Variants in TTC29 observed in about 807,000 individuals in gnomAD.
The protein encoded by TTC29 is tetratricopeptide repeat protein 29.
Under a neutral mutation model 58.1 loss-of-function variants are expected in TTC29, and 49 were observed. The ratio of observed to expected loss-of-function variants is 0.84; its 90% confidence interval spans 0.67 to 1.07. The LOEUF (loss-of-function observed/expected upper bound fraction) is 1.07, where lower values mean the gene tolerates loss of function less well. TTC29 is among the 50% of genes least tolerant of loss of function. The probability of loss-of-function intolerance (pLI) is 0.00; values close to 1 mark genes in which losing one functional copy is unlikely to be tolerated. For missense variants in TTC29, 582 were observed against 555.6 expected, an observed-to-expected ratio of 1.05 and a Z score of -0.48; for synonymous variants, 209 against 196.8, an observed-to-expected ratio of 1.06 and a Z score of -0.52.
chr4:146,828,811 T>C (rs568954104), intron 9 of TTC29, among the ~76,000 whole-genome samples: 2 of 152,318 alleles, frequency 1.3e-5, no homozygotes, highest in East Asian at 1.9e-4. Context: ...TTATTGTAAG[T>C]CATTTGCTTT....
intron 10 of TTC29, among the ~76,000 whole-genome samples, chr4:146,808,328 A>G (rs1289773592): frequency 1.3e-5 from 2 of 152,210 alleles, no homozygotes; most frequent in Admixed American, 1.3e-4. Context: ...GAAAACCGGC[A>G]CAAGAGAAGG....
chr4:146,849,227 T>G (rs1033071407), intron 8 of TTC29, among the ~76,000 whole-genome samples: 1 of 152,160 alleles, frequency 6.6e-6, no homozygotes, highest in Non-Finnish European at 1.5e-5. Context: ...CCTCGAAATA[T>G]ATATTAATAT....
At chr4:146,778,380 ATTTAC>A (rs1748275053) in intron 11 of TTC29, among the ~76,000 whole-genome samples, 1 of 151,954 alleles carries the variant, frequency 6.6e-6, no homozygotes, top group African/African-American at 2.4e-5. Context: ...TGAAGAGCCT[ATTTAC>A]TTGCTTTTTT....
intron 4 of TTC29, among the ~76,000 whole-genome samples, chr4:146,935,799 T>G (rs1423320962): frequency 1.3e-5 from 2 of 152,226 alleles, no homozygotes; most frequent in Admixed American, 6.5e-5. Context: ...AAATGTTTGT[T>G]GATCAATTTA....
chr4:146,894,106 G>A (rs1299976102), intron 6 of TTC29, among the ~76,000 whole-genome samples: 1 of 152,186 alleles, frequency 6.6e-6, no homozygotes, highest in Admixed American at 6.5e-5. Context: ...TTCAACCATT[G>A]TGGAAGTCAA....
chr4:146,901,365 T>C (rs1733137700), intron 6 of TTC29, among the ~76,000 whole-genome samples: 2 of 152,202 alleles, frequency 1.3e-5, no homozygotes, highest in Admixed American at 6.5e-5. Flanking sequence ...ATATGCACCA[T>C]ATAAATATAT....
intron 11 of TTC29, among the ~76,000 whole-genome samples, chr4:146,714,766 G>T (rs1006915262): frequency 2.0e-5 from 3 of 152,128 alleles, no homozygotes; most frequent in Non-Finnish European, 1.5e-5. Flanking sequence ...ATACCACATG[G>T]CAATCTGGAT....
intron 8 of TTC29, among the ~76,000 whole-genome samples, chr4:146,850,106 AG>A (rs1729425141): frequency 6.6e-6 from 1 of 152,240 alleles, no homozygotes; most frequent in East Asian, 1.9e-4. Context: ...ACAAGGACAA[AG>A]ATGTCTGTCT....
At chr4:146,875,112 G>A (rs373924089) in intron 6 of TTC29, among the ~76,000 whole-genome samples, 184 bp from the exon 7 acceptor site, 22 of 152,270 alleles carry the variant, frequency 1.4e-4, no homozygotes, top group South Asian at 8.3e-4. Flanking sequence ...CAGTTTCAGC[G>A]TGAATTTTAG....
chr4:146,833,881 CAGTA>C lies in TTC29; in HGVS notation c.898_901del (p.Tyr300ValfsTer20). 1.2e-6 allele frequency: 2 copies of C among 1,612,722 alleles called. No homozygotes were observed. Among genetic ancestry groups the C allele is most frequent in the Non-Finnish European group, 1.7e-6 (2 of 1,179,160 alleles). ...ATCATCCAGGTCTGTGGAGATTTTA[CAGTA>C]AGTGTCAAGGACCTATCAGGAAGAG... On this transcript the variant is annotated frameshift_variant, in exon 9 of 13. Transcript: ENST00000325106. LOFTEE classifies it high-confidence loss of function.
chr4:146,897,863 G>A (rs1579937720), intron 6 of TTC29, among the ~76,000 whole-genome samples: 2 of 152,208 alleles, frequency 1.3e-5, no homozygotes, highest in East Asian at 3.9e-4. Context: ...ATAGATTAAA[G>A]ACTCAAAGAG....
At chr4:146,786,133 G>A (rs1748992682) in intron 11 of TTC29, among the ~76,000 whole-genome samples, 1 of 152,076 alleles carries the variant, frequency 6.6e-6, no homozygotes, top group Non-Finnish European at 1.5e-5. Flanking sequence ...TAAAACTTAT[G>A]AGTGGAGTTG....
intron 6 of TTC29, among the ~76,000 whole-genome samples, chr4:146,888,672 CA>C (rs1732153408): frequency 6.6e-6 from 1 of 152,106 alleles, no homozygotes; most frequent in East Asian, 1.9e-4. Flanking sequence ...AAGAGAGGTA[CA>C]AAGAAGTTAA....
At chr4:146,767,409 C>A (rs1351047391) in intron 11 of TTC29, among the ~76,000 whole-genome samples, 1 of 151,958 alleles carries the variant, frequency 6.6e-6, no homozygotes, top group Admixed American at 6.6e-5. Context: ...TCTTCTCCCC[C>A]AAATGAAAAC....
intron 6 of TTC29, among the ~76,000 whole-genome samples, chr4:146,886,876 T>C (rs1732019783): frequency 6.6e-6 from 1 of 152,140 alleles, no homozygotes; most frequent in Non-Finnish European, 1.5e-5. Context: ...TTTAATTTTA[T>C]TCAGCCTTAA....
intron 8 of TTC29, among the ~76,000 whole-genome samples, chr4:146,865,002 C>T (rs774674477): frequency 2.0e-5 from 3 of 151,610 alleles, no homozygotes; most frequent in Non-Finnish European, 4.4e-5. Flanking sequence ...ATAGATGGGG[C>T]AATTGAGACT....
At chr4:146,894,877 G>C (rs1732660664) in intron 6 of TTC29, among the ~76,000 whole-genome samples, 1 of 152,042 alleles carries the variant, frequency 6.6e-6, no homozygotes, top group Non-Finnish European at 1.5e-5. Context: ...ACCATGTGCA[G>C]GATGTGCAGG....
intron 9 of TTC29, among the ~76,000 whole-genome samples, chr4:146,832,326 GGTT>G (rs994863437): frequency 1.2e-4 from 18 of 152,018 alleles, no homozygotes; most frequent in African/African-American, 4.3e-4. Flanking sequence ...GTGTCTTCTG[GGTT>G]GTTGTTTGGA....
chr4:146,834,220 T>TTA (rs1728360632), intron 8 of TTC29, among the ~76,000 whole-genome samples: 2 of 152,146 alleles, frequency 1.3e-5, no homozygotes, highest in Non-Finnish European at 2.9e-5. Flanking sequence ...AAATACGGGA[T>TTA]TATTATCTAA....
Sources: allele counts gnomAD v4.1 joint callset (sites outside exome capture counted in the v4.1 genomes callset), GRCh38; gene constraint gnomAD v4.1.1; transcripts MANE v1.5; gene names NCBI Gene and HGNC (gene_info 2026-07-23, HGNC 2026-07-21).